PDE4D: variants seen among roughly 807,000 people sequenced by gnomAD.
The protein encoded by PDE4D is 3',5'-cyclic-AMP phosphodiesterase 4D.
In PDE4D, 24 loss-of-function variants were observed where a neutral mutation model predicts 87.4. The observed-to-expected ratio is 0.27, with a 90% confidence interval of 0.20 to 0.39. The LOEUF (loss-of-function observed/expected upper bound fraction) is 0.39. Among genes scored for constraint, PDE4D ranks in the 10% least tolerant of loss-of-function variants. The pLI is 1.00. For missense variants in PDE4D, 714 were observed against 1,041.0 expected (o/e 0.69, Z 4.32); for synonymous variants, 384 against 383.2 (o/e 1.00, Z -0.02).
chr5:60,244,250 A>G (rs1747452309), intron 1 of PDE4D, among the ~76,000 whole-genome samples: 1 of 151,996 alleles, frequency 6.6e-6, no homozygotes, highest in African/African-American at 2.4e-5. Context: ...CAAAAAAGTG[A>G]AAGATTTCTA....
At chr5:60,143,115 C>T (rs1467920107) in intron 2 of PDE4D, among the ~76,000 whole-genome samples, 1 of 152,110 alleles carries the variant, frequency 6.6e-6, no homozygotes, top group African/African-American at 2.4e-5. Context: ...AGGAACCAGA[C>T]CCTTTTCTCT....
At chr5:59,043,517 C>T (rs1274856031) in intron 5 of PDE4D, among the ~76,000 whole-genome samples, 4 of 147,054 alleles carry the variant, frequency 2.7e-5, no homozygotes, top group African/African-American at 7.6e-5. Context: ...CAGAAGACTC[C>T]GACTCAAAAA....
chr5:60,375,662 C>T (rs1464348056), intron 1 of PDE4D, among the ~76,000 whole-genome samples: 1 of 152,184 alleles, frequency 6.6e-6, no homozygotes, highest in East Asian at 1.9e-4. Flanking sequence ...AAGCCAGTTC[C>T]TACCTGTACT....
intron 1 of PDE4D, among the ~76,000 whole-genome samples, chr5:60,237,598 T>C (rs1360219247): frequency 6.6e-6 from 1 of 152,054 alleles, no homozygotes; most frequent in African/African-American, 2.4e-5. Context: ...ATTAGGTGGT[T>C]ACCAGGGATT....
chr5:59,920,112 A>C (rs772096670), intron 3 of PDE4D, among the ~76,000 whole-genome samples: 5 of 152,222 alleles, frequency 3.3e-5, no homozygotes, highest in Admixed American at 6.5e-5. Context: ...TAGCAATAAC[A>C]ATATATGCTG....
chr5:60,110,046 G>T (rs528806031), intron 2 of PDE4D, among the ~76,000 whole-genome samples: 2 of 151,800 alleles, frequency 1.3e-5, no homozygotes, highest in Non-Finnish European at 2.9e-5. Flanking sequence ...CTATTCTTTT[G>T]GTTGGGTGGT....
intron 3 of PDE4D, among the ~76,000 whole-genome samples, chr5:59,932,194 T>C (rs1438746145): frequency 6.6e-6 from 1 of 152,148 alleles, no homozygotes; most frequent in Non-Finnish European, 1.5e-5. Context: ...AAATAGAAAA[T>C]AGGATTTTTA....
At chr5:59,574,136 ATATATATAAATATATATT>A (rs1561242116) in intron 1 of PDE4D, among the ~76,000 whole-genome samples, 2 of 2,918 alleles carry the variant, frequency 6.9e-4, no homozygotes, top group African/African-American at 1.2e-3. Flanking sequence ...ATTTATATAT[ATATATATAAATATATATT>A]TATATATATA....
At chr5:59,480,196 CTTTTT>C (rs371840329) in intron 1 of PDE4D, among the ~76,000 whole-genome samples, 2,714 of 145,856 alleles carry the variant, frequency 0.019, 101 homozygotes, top group African/African-American at 0.065. Flanking sequence ...GTACTCCAAG[CTTTTT>C]TTTTTAATTC....
intron 1 of PDE4D, among the ~76,000 whole-genome samples, chr5:59,708,905 C>CCT (rs1753817823): frequency 7.4e-6 from 1 of 135,340 alleles, no homozygotes; most frequent in African/African-American, 2.7e-5. Context: ...TCTCATCTGG[C>CCT]TTTTTTTTTT....
intron 1 of PDE4D, among the ~76,000 whole-genome samples, chr5:59,633,067 C>T (rs1831777457): frequency 6.6e-6 from 1 of 152,044 alleles, no homozygotes; most frequent in Non-Finnish European, 1.5e-5. Context: ...TGAAAAAACA[C>T]AGCACGAGAA....
At chr5:59,931,909 G>A (rs1581790060) in intron 3 of PDE4D, among the ~76,000 whole-genome samples, 1 of 152,014 alleles carries the variant, frequency 6.6e-6, no homozygotes, top group South Asian at 2.1e-4. Context: ...CACCGTGTTA[G>A]CCAGGATGGT....
intron 1 of PDE4D, among the ~76,000 whole-genome samples, chr5:60,416,737 TA>T (rs1410318678): frequency 6.6e-6 from 1 of 152,184 alleles, no homozygotes. Context: ...CACACTATCA[TA>T]CACTCTTCCT....
At chr5:60,415,486 CG>C (rs1742423298) in intron 1 of PDE4D, among the ~76,000 whole-genome samples, 1 of 152,216 alleles carries the variant, frequency 6.6e-6, no homozygotes. Context: ...CGGGGCTGCG[CG>C]GCAGGCACTT....
intron 1 of PDE4D, among the ~76,000 whole-genome samples, chr5:59,629,704 G>A (rs1474418600): frequency 1.3e-5 from 2 of 152,242 alleles, no homozygotes; most frequent in East Asian, 3.9e-4. Context: ...AATACAAGTG[G>A]CAACTTGATG....
At chr5:59,376,759 G>A (rs1248691648) in intron 1 of PDE4D, among the ~76,000 whole-genome samples, 2 of 152,104 alleles carry the variant, frequency 1.3e-5, no homozygotes, top group African/African-American at 4.8e-5. Context: ...AAAGCTAGAG[G>A]CATCATGCCA....
In PDE4D at chr5:59,181,573, A is replaced by ATATATATATATATATATAT. The variant is rs1162609708; in HGVS notation, c.759-930_759-929insATATATATATATATATATA. ...ATATATATATATATATATATATATT[A>ATATATATATATATATATAT]GGTATATAATAATTATATATATATT... On this transcript the variant is annotated intron_variant, in intron 4 of 14. Coordinates refer to ENST00000340635, the MANE Select transcript of PDE4D (RefSeq NM_001104631.2). 3.4e-4 allele frequency among the ~76,000 whole-genome samples: 29 copies of ATATATATATATATATATAT among 85,164 alleles called. 1 individual carries two copies. Among genetic ancestry groups the ATATATATATATATATATAT allele is most frequent in the African/African-American group, 1.8e-3 (29 of 16,170 alleles). 55.9% of individuals were successfully genotyped at this position (85,164 alleles called of 152,430 possible).
intron 1 of PDE4D, among the ~76,000 whole-genome samples, chr5:59,401,788 T>A (rs1031271604): frequency 2.6e-5 from 4 of 152,200 alleles, no homozygotes; most frequent in Non-Finnish European, 4.4e-5. Context: ...AAGGGAACTG[T>A]GCTGCTCTGG....
At chr5:59,541,433 T>A (rs1816330652) in intron 1 of PDE4D, among the ~76,000 whole-genome samples, 1 of 152,212 alleles carries the variant, frequency 6.6e-6, no homozygotes, top group Non-Finnish European at 1.5e-5. Flanking sequence ...TCATCAAACT[T>A]CTGGCAAATG....
Sources: gnomAD v4.1 joint callset for allele counts (sites outside exome capture counted in the v4.1 genomes callset) on GRCh38, gnomAD v4.1.1 for gene constraint, MANE v1.5 for transcripts, NCBI Gene and HGNC (gene_info 2026-07-23, HGNC 2026-07-21) for gene names.